Variants in FMNL2 observed in about 807,000 individuals in gnomAD.
The protein encoded by FMNL2 is formin-like protein 2.
A neutral mutation model predicts 130.2 loss-of-function variants in FMNL2; 51 were observed. The observed-to-expected ratio is 0.39, with a 90% CI of 0.31 to 0.49. FMNL2 has a LOEUF of 0.49. FMNL2 is among the 20% of genes least tolerant of loss of function. The pLI is 0.85. For synonymous variants in FMNL2, 465 were observed against 467.1 expected (o/e 1.00, Z 0.06); for missense variants, 977 against 1,316.2 (o/e 0.74, Z 3.99).
intron 1 of FMNL2, among the ~76,000 whole-genome samples, chr2:152,417,111 A>C (rs146763336): frequency 6.6e-6 from 1 of 152,338 alleles, no homozygotes; most frequent in African/African-American, 2.4e-5. Flanking sequence ...TACTTATCCT[A>C]GTCTCATTAG....
chr2:152,605,837 G>A (rs1353410222), intron 9 of FMNL2, among the ~76,000 whole-genome samples: 1 of 152,166 alleles, frequency 6.6e-6, no homozygotes, highest in African/African-American at 2.4e-5. Flanking sequence ...CCCAGCGTAT[G>A]GTTTAGAGAT....
At chr2:152,627,843 T>C (rs1414691889) in intron 17 of FMNL2, among the ~76,000 whole-genome samples, 2 of 152,282 alleles carry the variant, frequency 1.3e-5, no homozygotes, top group African/African-American at 2.4e-5. Context: ...ACTATTGGTT[T>C]AATTGAAATA....
At chr2:152,543,555 G>A (rs1299583107) in intron 3 of FMNL2, among the ~76,000 whole-genome samples, 5 of 151,956 alleles carry the variant, frequency 3.3e-5, no homozygotes. Flanking sequence ...AGGCTCCTGC[G>A]AAAATCTCTC....
At chr2:152,504,710 T>G (rs923362509) in intron 1 of FMNL2, among the ~76,000 whole-genome samples, 1 of 152,208 alleles carries the variant, frequency 6.6e-6, no homozygotes, top group Non-Finnish European at 1.5e-5. Flanking sequence ...TGTTTATCAG[T>G]AGACCTAAGA....
At chr2:152,641,082 C>G (rs909034840) in intron 25 of FMNL2, among the ~76,000 whole-genome samples, 168 bp downstream of exon 25, 27 of 152,188 alleles carry the variant, frequency 1.8e-4, no homozygotes, top group Admixed American at 1.6e-3. Flanking sequence ...TTTACAGCAG[C>G]ATGTATACTG....
chr2:152,412,061 C>T (rs1444864603), intron 1 of FMNL2, among the ~76,000 whole-genome samples: 1 of 152,172 alleles, frequency 6.6e-6, no homozygotes, highest in Admixed American at 6.5e-5. Flanking sequence ...ATCTCCCTCT[C>T]CCTAAGCTAC....
intron 9 of FMNL2, among the ~76,000 whole-genome samples, chr2:152,602,153 G>GA (rs1698113732): frequency 6.6e-6 from 1 of 152,176 alleles, no homozygotes; most frequent in Non-Finnish European, 1.5e-5. Flanking sequence ...CTTAGAGCTT[G>GA]AAGGTGCAAA....
chr2:152,615,294 G>T (rs1698888719), intron 12 of FMNL2, among the ~76,000 whole-genome samples: 1 of 152,128 alleles, frequency 6.6e-6, no homozygotes, highest in Non-Finnish European at 1.5e-5. Flanking sequence ...GGTGTTTGAT[G>T]ATTGGCATTA....
chr2:152,607,667 C>T (rs190968077), intron 10 of FMNL2: 29 of 290,616 alleles, frequency 1.0e-4, no homozygotes, highest in Admixed American at 6.1e-4. Context: ...AAGGGGAAGC[C>T]GTGCAGTTGG....
intron 1 of FMNL2, among the ~76,000 whole-genome samples, chr2:152,379,867 T>C (rs1235071547): frequency 6.6e-6 from 1 of 152,240 alleles, no homozygotes; most frequent in East Asian, 1.9e-4. Flanking sequence ...ATTTCTGTAG[T>C]CTGCTTTCTG....
intron 3 of FMNL2, among the ~76,000 whole-genome samples, chr2:152,546,043 C>T (rs527746640): frequency 7.2e-5 from 11 of 152,124 alleles, no homozygotes; most frequent in Non-Finnish European, 1.0e-4. Context: ...TACCTGGTTT[C>T]GATACATAGC....
chr2:152,587,320 C>CA (rs564627848), intron 9 of FMNL2, among the ~76,000 whole-genome samples: 1 of 152,186 alleles, frequency 6.6e-6, no homozygotes, highest in Admixed American at 6.5e-5. Context: ...TGATGATTGG[C>CA]CGTCGGGTTA....
chr2:152,445,924 C>T (rs1018889565), intron 1 of FMNL2, among the ~76,000 whole-genome samples: 2 of 152,178 alleles, frequency 1.3e-5, no homozygotes, highest in Non-Finnish European at 1.5e-5. Flanking sequence ...CTTCTTTTTT[C>T]CAAAAACATT....
At chr2:152,451,321 TG>T (rs1371686793) in intron 1 of FMNL2, among the ~76,000 whole-genome samples, 3 of 152,104 alleles carry the variant, frequency 2.0e-5, no homozygotes, top group Admixed American at 6.5e-5. Flanking sequence ...GCTAATTTTT[TG>T]TATCTTTAGT....
intron 2 of FMNL2, among the ~76,000 whole-genome samples, chr2:152,526,832 A>T (rs1047736928): frequency 6.6e-5 from 10 of 151,848 alleles, no homozygotes; most frequent in Non-Finnish European, 7.4e-5. Flanking sequence ...TCTTTTTTTT[A>T]AAAAAATCGG....
At chr2:152,356,429 A>G (rs796406827) in intron 1 of FMNL2, among the ~76,000 whole-genome samples, 8 of 152,354 alleles carry the variant, frequency 5.3e-5, no homozygotes, top group African/African-American at 1.9e-4. Flanking sequence ...CAGCCTGGCT[A>G]GAGGTCATTT....
At chr2:152,646,989 G>T (rs1421690638) in intron 25 of FMNL2, among the ~76,000 whole-genome samples, 10 of 152,144 alleles carry the variant, frequency 6.6e-5, no homozygotes, top group Non-Finnish European at 1.5e-5. Context: ...GGACTGGTAT[G>T]CAGTGATTGA....
At chr2:152,506,896 C>G (rs1692205707) in intron 1 of FMNL2, among the ~76,000 whole-genome samples, 1 of 152,180 alleles carries the variant, frequency 6.6e-6, no homozygotes. Context: ...ATGTGTGTAG[C>G]TATGGGGCAC....
At chr2:152,380,055 C>G (rs564992801) in intron 1 of FMNL2, among the ~76,000 whole-genome samples, 1 of 152,290 alleles carries the variant, frequency 6.6e-6, no homozygotes, top group Admixed American at 6.5e-5. Flanking sequence ...CAACATGGAT[C>G]TATCTGGTTA....
Sources: allele counts gnomAD v4.1 joint callset (sites outside exome capture counted in the v4.1 genomes callset), GRCh38; gene constraint gnomAD v4.1.1; transcripts MANE v1.5; gene names NCBI Gene and HGNC (gene_info 2026-07-23, HGNC 2026-07-21).